CNTN4: variants seen among roughly 807,000 people sequenced by gnomAD.
The protein encoded by CNTN4 is contactin-4.
A neutral mutation model predicts 122.5 loss-of-function variants in CNTN4; 77 were observed. The ratio of observed to expected loss-of-function variants is 0.63; its 90% CI spans 0.52 to 0.76. CNTN4 has a LOEUF of 0.76. CNTN4 is among the 30% of genes least tolerant of loss of function. CNTN4 has a pLI of 0.00. For missense variants in CNTN4, 1,256 were observed against 1,259.1 expected (o/e 1.00, Z 0.04); for synonymous variants, 512 against 447.0 (o/e 1.15, Z -1.83).
intron 4 of CNTN4, among the ~76,000 whole-genome samples, chr3:2,637,610 G>A (rs2082717510): frequency 6.6e-6 from 1 of 152,082 alleles, no homozygotes; most frequent in Non-Finnish European, 1.5e-5. Context: ...GAGCTCTGAA[G>A]GTACCTCTGC....
At chr3:2,839,427 G>A (rs1212152425) in intron 7 of CNTN4, among the ~76,000 whole-genome samples, 1 of 150,804 alleles carries the variant, frequency 6.6e-6, no homozygotes, top group Non-Finnish European at 1.5e-5. Flanking sequence ...AAAAAAAAAA[G>A]ACAGTGGGAA....
chr3:2,127,276 G>A (rs2727915), intron 2 of CNTN4, among the ~76,000 whole-genome samples: 78,605 of 151,870 alleles, frequency 0.52, 20,566 homozygotes, highest in East Asian at 0.68. Context: ...TTGAGAGAGA[G>A]CCAAGTCCAT....
chr3:2,410,295 A>G (rs1248072376), intron 3 of CNTN4, among the ~76,000 whole-genome samples: 1 of 152,238 alleles, frequency 6.6e-6, no homozygotes, highest in Non-Finnish European at 1.5e-5. Context: ...CTGTTGGAAT[A>G]GAACAGAGAA....
intron 2 of CNTN4, among the ~76,000 whole-genome samples, chr3:2,318,995 C>T (rs984746498): frequency 6.6e-6 from 1 of 152,060 alleles, no homozygotes; most frequent in East Asian, 1.9e-4. Flanking sequence ...GTTTATTTTA[C>T]GGAGGGGCCA....
chr3:2,101,136 A>G (rs2031914959), intron 2 of CNTN4, among the ~76,000 whole-genome samples: 1 of 152,214 alleles, frequency 6.6e-6, no homozygotes, highest in African/African-American at 2.4e-5. Flanking sequence ...TTAGAGAACA[A>G]ACCTTTCAAA....
At chr3:2,415,265 C>T (rs1206076317) in intron 3 of CNTN4, among the ~76,000 whole-genome samples, 1 of 152,174 alleles carries the variant, frequency 6.6e-6, no homozygotes, top group East Asian at 1.9e-4. Flanking sequence ...CAAGGAGCAA[C>T]AGTATTTTAT....
chr3:2,377,772 A>T (rs7612663), intron 3 of CNTN4, among the ~76,000 whole-genome samples: 4,832 of 137,842 alleles, frequency 0.035, 219 homozygotes, highest in African/African-American at 0.1. Context: ...TTTTTTTGTG[A>T]TTATTTTTTT....
At chr3:2,367,531 T>C (rs1384184291) in intron 3 of CNTN4, among the ~76,000 whole-genome samples, 1 of 152,214 alleles carries the variant, frequency 6.6e-6, no homozygotes, top group Admixed American at 6.5e-5. Flanking sequence ...TTTTTTTTAT[T>C]TTTATTTTTT....
intron 13 of CNTN4, among the ~76,000 whole-genome samples, chr3:2,943,360 C>G (rs925103006): frequency 1.3e-5 from 2 of 152,076 alleles, no homozygotes; most frequent in African/African-American, 4.8e-5. Context: ...ATGAACAACT[C>G]AAGCCTGCAA....
intron 7 of CNTN4, among the ~76,000 whole-genome samples, chr3:2,823,832 C>T (rs1048834913): frequency 6.6e-6 from 1 of 152,140 alleles, no homozygotes; most frequent in African/African-American, 2.4e-5. Flanking sequence ...TTTTATGTCA[C>T]CAAGATGCTT....
intron 6 of CNTN4, among the ~76,000 whole-genome samples, chr3:2,773,448 G>A (rs1370925104): frequency 6.6e-6 from 1 of 152,070 alleles, no homozygotes; most frequent in East Asian, 1.9e-4. Context: ...GGGTAGGGAA[G>A]GGAATCCAAC....
chr3:2,296,559 C>T (rs574025477), intron 2 of CNTN4, among the ~76,000 whole-genome samples: 1 of 152,008 alleles, frequency 6.6e-6, no homozygotes, highest in Admixed American at 6.6e-5. Flanking sequence ...CTGGAGGAGA[C>T]CAAGCTTAAA....
intron 13 of CNTN4, among the ~76,000 whole-genome samples, chr3:2,968,323 CA>C (rs1306610697): frequency 6.6e-6 from 1 of 152,050 alleles, no homozygotes; most frequent in Non-Finnish European, 1.5e-5. Context: ...AGAAGCGCAT[CA>C]AAACCAAGGA....
chr3:2,492,074 G>A (rs1575759715), intron 3 of CNTN4, among the ~76,000 whole-genome samples: 3 of 151,914 alleles, frequency 2.0e-5, no homozygotes, highest in Admixed American at 2.0e-4. Context: ...GCACCTTTCT[G>A]CATTTATTCA....
At chr3:2,246,673 CT>C (rs1365930916) in intron 2 of CNTN4, among the ~76,000 whole-genome samples, 2 of 151,842 alleles carry the variant, frequency 1.3e-5, no homozygotes. Context: ...AGACAAACAG[CT>C]TATAATAATT....
At chr3:2,912,507 T>A (rs1445371244) in intron 12 of CNTN4, among the ~76,000 whole-genome samples, 1 of 152,082 alleles carries the variant, frequency 6.6e-6, no homozygotes, top group Non-Finnish European at 1.5e-5. Flanking sequence ...AACTCCTAGA[T>A]AAAGGTAAAC....
intron 13 of CNTN4, among the ~76,000 whole-genome samples, chr3:2,980,414 C>A (rs1189609855): frequency 1.6e-5 from 2 of 128,864 alleles, no homozygotes. Context: ...ATTTTCAATT[C>A]TTTTCATCTT....
intron 7 of CNTN4, among the ~76,000 whole-genome samples, chr3:2,830,530 G>A (rs957098613): frequency 1.3e-5 from 2 of 152,214 alleles, no homozygotes; most frequent in Non-Finnish European, 2.9e-5. Context: ...ATGACATTGT[G>A]TTAGAACATA....
rs192839758 is a variant in CNTN4, at chr3:2,597,055, A to C, written c.55+25497A>C. 5.3e-5 allele frequency among the ~76,000 whole-genome samples: 8 copies of C among 152,264 alleles called. No homozygotes were observed. In the East Asian group the frequency reaches 1.5e-3, roughly 29 times the overall value. ...GAGATTTCACTGAATGAAATACCAT[A>C]AGCTTTGTAGTGGGAAGGGGTTGTA... is the stretch of plus-strand genomic sequence containing the variant. On this transcript the variant is annotated intron_variant, in intron 4 of 24. Transcript: ENST00000418658.
Sources: allele counts gnomAD v4.1 joint callset (sites outside exome capture counted in the v4.1 genomes callset), GRCh38; gene constraint gnomAD v4.1.1; transcripts MANE v1.5; gene names NCBI Gene and HGNC (gene_info 2026-07-23, HGNC 2026-07-21).